The following B4GALNT2 variants were observed in gnomAD, a reference collection of about 807,000 sequenced individuals.
B4GALNT2 encodes beta-1,4-N-acetyl-galactosaminyltransferase 2 (SID blood group), also known as N-acetylneuraminylgalactosylglucosyl-glucoside beta-1,4-N- acetylgalactosaminyltransferase 2.
B4GALNT2 carries 42 observed loss-of-function variants against 51.1 expected under a neutral mutation model. The ratio of observed to expected loss-of-function variants is 0.82; its 90% CI spans 0.64 to 1.06. The LOEUF (loss-of-function observed/expected upper bound fraction) is 1.06, where lower values mean the gene tolerates loss of function less well. Among genes scored for constraint, B4GALNT2 ranks in the 50% least tolerant of loss-of-function variants. The pLI, the probability that B4GALNT2 is intolerant of heterozygous loss-of-function variation, is 0.00. For synonymous variants in B4GALNT2, 253 were observed against 251.7 expected (o/e 1.01, Z -0.05); for missense variants, 602 against 633.6 (o/e 0.95, Z 0.54).
At chr17:49,168,630 G>C in intron 9 of B4GALNT2, 51 bp from the exon 10 acceptor site, 1 of 1,538,014 alleles carries the variant, frequency 6.5e-7, no homozygotes, top group South Asian at 1.2e-5. Flanking sequence ...GGAAGAGGCA[G>C]GATGAATATT....
At position 49,176,021 on chromosome 17, in the gene B4GALNT2, G is replaced by A. The variant is rs1394738829; in HGVS notation, c.*6293G>A. ...ATCATTAGTGTGAAAAGGTTCTAAG[G>A]TGGAACGCACCAGAGCCCACACTTG... On this transcript the variant is annotated 3_prime_UTR_variant, in exon 11 of 11. Transcript: ENST00000393354. 1.3e-5 allele frequency: 2 copies of A among 152,134 alleles called. No homozygotes were observed. Among genetic ancestry groups the A allele is most frequent in the Admixed American group, 1.3e-4 (2 of 15,268 alleles). 9.4% of individuals were successfully genotyped at this position (152,134 alleles called of 1,614,324 possible).
chr17:49,135,425 C>G (rs1447677516), intron 1 of B4GALNT2, among the ~76,000 whole-genome samples: 5 of 151,328 alleles, frequency 3.3e-5, no homozygotes, highest in Admixed American at 2.0e-4. Flanking sequence ...TCTACAGGTG[C>G]GTGCCACCAT....
intron 2 of B4GALNT2, 103 bp downstream of exon 2, chr17:49,141,550 G>A: frequency 8.0e-7 from 1 of 1,250,572 alleles, no homozygotes; most frequent in Non-Finnish European, 1.1e-6. Context: ...TGGTTCCCTT[G>A]CTTTCCTAAG....
chr17:49,169,650 C>A lies in B4GALNT2; in HGVS notation c.1443C>A (p.Tyr481Ter). 1 of 1,612,404 alleles carries A rather than the reference C, an allele frequency of 6.2e-7. No homozygotes were observed. The highest frequency in any genetic ancestry group is 8.5e-7 in the Non-Finnish European group (1 of 1,179,124). ...LAALEKTYNT[Y>*]RSNTLTRVQF... ...CCCTAGAGAAGACCTACAATACATA[C>A]CGGTCCAACACCCTCACCCGGGTCC... Residue 481 changes from tyrosine (Y) to a stop codon, truncating the protein, a stop_gained, in exon 11 of 11, where the codon TAC (tyrosine) becomes TAA (stop). Coordinates refer to ENST00000393354, the MANE Select transcript of B4GALNT2 (RefSeq NM_001159387.2). LOFTEE classifies it high-confidence loss of function.
In B4GALNT2 at chr17:49,132,810, A is replaced by G; in HGVS notation, c.14+4A>G. The G allele has an allele frequency of 2.9e-6, 4 of 1,374,190 alleles. No individual in the cohort carries two copies. The highest frequency in any genetic ancestry group is 3.9e-5 in the Admixed American group (1 of 25,974). The allele number at this position is 1,374,190 out of a possible 1,614,324, so 85.1% of individuals were successfully genotyped here. A position where few individuals can be genotyped will look rare whatever the true frequency, so the allele number is the denominator to read the frequency against. ...GATTCGGGATGACTTCGGGCGGGTG[A>G]GTGTCCCCGGGGCAGAGCAGAGCGA... On this transcript the variant is annotated splice_donor_region_variant and intron_variant, in intron 1 of 10. Transcript: ENST00000393354.
At chr17:49,149,625 GAC>G (rs1460095779) in intron 3 of B4GALNT2, among the ~76,000 whole-genome samples, 1 of 152,310 alleles carries the variant, frequency 6.6e-6, no homozygotes, top group African/African-American at 2.4e-5. Context: ...TTGCCTGGGT[GAC>G]AGAGTGAGTG....
chr17:49,145,887 A>G (rs556223427), intron 3 of B4GALNT2, among the ~76,000 whole-genome samples: 1 of 152,322 alleles, frequency 6.6e-6, no homozygotes, highest in South Asian at 2.1e-4. Context: ...CAAAGTGTCC[A>G]GGTGGCAATA....
chr17:49,152,839 C>T lies in B4GALNT2; in HGVS notation c.393C>T (p.Pro131=), dbSNP rs764419717. The change falls in exon 4 of 11, where the codon CCC becomes CCT. Residue 131 remains proline (P), a synonymous_variant. Transcript: ENST00000393354. ...LPRPLPLLVQ[P]NLPFGYPVHG... ...GCCCACTGCCCCTGCTGGTCCAGCC[C>T]AACCTCCCCTTTGGGTACCCAGTCC... The T allele has an allele frequency of 2.4e-5, 38 of 1,610,478 alleles. No individual in the cohort carries two copies. Among genetic ancestry groups the T allele is most frequent in the Non-Finnish European group, 3.1e-5 (37 of 1,178,312 alleles).
At chr17:49,143,173 C>T (rs571622854) in intron 3 of B4GALNT2, among the ~76,000 whole-genome samples, 32 of 152,080 alleles carry the variant, frequency 2.1e-4, no homozygotes, top group African/African-American at 7.5e-4. Context: ...CACTTGAACC[C>T]AGGAGGTGGA....
chr17:49,151,986 C>T (rs952611292), intron 3 of B4GALNT2, among the ~76,000 whole-genome samples: 1 of 152,308 alleles, frequency 6.6e-6, no homozygotes, highest in Non-Finnish European at 1.5e-5. Context: ...CCACGAAGTT[C>T]AGATGTGACT....
At chr17:49,169,407 C>T in intron 10 of B4GALNT2, 116 bp from the exon 11 acceptor site, 2 of 972,670 alleles carry the variant, frequency 2.1e-6, no homozygotes, top group African/African-American at 1.6e-5. Flanking sequence ...TGGGGCTGAA[C>T]CTCCCCAGTG....
rs1170652826 is a variant in B4GALNT2, at chr17:49,171,487, T to C, written c.*1759T>C. 5 of 392,008 alleles carry C rather than the reference T, an allele frequency of 1.3e-5. No individual in the cohort carries two copies. Among genetic ancestry groups the C allele is most frequent in the South Asian group, 3.8e-5 (2 of 52,386 alleles). 24.3% of individuals were successfully genotyped at this position (392,008 alleles called of 1,614,324 possible). A position where few individuals can be genotyped will look rare whatever the true frequency, so the allele number is the denominator to read the frequency against. On this transcript the variant is annotated 3_prime_UTR_variant, in exon 11 of 11. Transcript: ENST00000393354. ...TGTCCTTCTAGATGCTTTTTTATTC[T>C]TTCCCAAATTTTGATCTTATTAACA...
At chr17:49,125,526 C>T in the B4GALNT2 span, among the ~76,000 whole-genome samples, 4 of 152,226 alleles carry the variant, frequency 2.6e-5, no homozygotes, top group African/African-American at 9.6e-5. Context: ...CAGATAAGGT[C>T]TGACTTATCC....
Position 49,135,501 on chromosome 17 carries a change from A to G in B4GALNT2, c.14+2695A>G, listed in dbSNP as rs111573143. ...TCTTGATCTCCTGATCTCATGATCC[A>G]CCCGCCTCGGCCTCCCAAAGTGCTG... is the stretch of plus-strand genomic sequence containing the variant. On this transcript the variant is annotated intron_variant, in intron 1 of 10. Transcript: ENST00000393354. Among the ~76,000 whole-genome samples, 372 of 151,482 alleles carry G rather than the reference A, an allele frequency of 2.5e-3. 7 individuals are homozygous for G. The highest frequency in any genetic ancestry group is 8.3e-3 in the African/African-American group (341 of 41,314).
chr17:49,127,701 G>C (rs1468611442), upstream of B4GALNT2, among the ~76,000 whole-genome samples: 1 of 152,182 alleles, frequency 6.6e-6, no homozygotes, highest in African/African-American at 2.4e-5. Flanking sequence ...AACAGGACTA[G>C]GAAAACAGTT....
rs867222928 is a variant in B4GALNT2, at chr17:49,175,027, T to C, written c.*5299T>C. On this transcript the variant is annotated 3_prime_UTR_variant, in exon 11 of 11. Transcript: ENST00000393354. ...ACAGAAGTTATAATTGGTTGAATAGTCCCATGTTGTCCATCGGGCCCCTCA... is the reference window on the plus strand; with the variant it reads ...ACAGAAGTTATAATTGGTTGAATAGCCCCATGTTGTCCATCGGGCCCCTCA... 6.6e-5 allele frequency: 10 copies of C among 152,290 alleles called. No individual in the cohort carries two copies. The highest frequency in any genetic ancestry group is 2.4e-4 in the African/African-American group (10 of 41,564). 9.4% of individuals were successfully genotyped at this position (152,290 alleles called of 1,614,324 possible). A position where few individuals can be genotyped will look rare whatever the true frequency, so the allele number is the denominator to read the frequency against.
At chr17:49,132,192 G>T (rs549234643), upstream of B4GALNT2, among the ~76,000 whole-genome samples, 1 of 152,112 alleles carries the variant, frequency 6.6e-6, no homozygotes, top group Non-Finnish European at 1.5e-5. Flanking sequence ...TGCGTGAGAG[G>T]AGCCATGGGA....
intron 3 of B4GALNT2, among the ~76,000 whole-genome samples, chr17:49,149,992 T>C (rs1395535835): frequency 6.6e-6 from 1 of 152,234 alleles, no homozygotes; most frequent in Non-Finnish European, 1.5e-5. Flanking sequence ...GTATGTTCCA[T>C]ATGTTCATTG....
chr17:49,136,602 A>G (rs1253984884), intron 1 of B4GALNT2, among the ~76,000 whole-genome samples: 1 of 151,902 alleles, frequency 6.6e-6, no homozygotes, highest in Non-Finnish European at 1.5e-5. Flanking sequence ...GCTGGAGCAC[A>G]GTGGCGCGAT....
Sources: gnomAD v4.1 joint callset for allele counts (sites outside exome capture counted in the v4.1 genomes callset) on GRCh38, gnomAD v4.1.1 for gene constraint, MANE v1.5 for transcripts, NCBI Gene and HGNC (gene_info 2026-07-23, HGNC 2026-07-21) for gene names.